The following DPP10 variants were observed in gnomAD, a reference collection of about 807,000 sequenced individuals.
DPP10 encodes dipeptidyl peptidase like 10.
Under a neutral mutation model 120.9 loss-of-function variants are expected in DPP10, and 33 were observed. The observed-to-expected ratio is 0.27, with a 90% CI of 0.21 to 0.37. The LOEUF is 0.37. DPP10 is among the 10% of genes least tolerant of loss of function. The probability of loss-of-function intolerance (pLI) is 1.00; values close to 1 mark genes in which losing one functional copy is unlikely to be tolerated. For missense variants in DPP10, 816 were observed against 942.8 expected, an observed-to-expected ratio of 0.87 and a Z score of 1.76; for synonymous variants, 337 against 326.1, an observed-to-expected ratio of 1.03 and a Z score of -0.36.
At chr2:115,095,379 T>G (rs1013024007) in intron 1 of DPP10, among the ~76,000 whole-genome samples, 2 of 152,084 alleles carry the variant, frequency 1.3e-5, no homozygotes, top group Non-Finnish European at 2.9e-5. Context: ...GCAGATGGGC[T>G]TTGGGAGGAG....
intron 13 of DPP10, among the ~76,000 whole-genome samples, chr2:115,769,310 G>C (rs1681173431): frequency 6.6e-6 from 1 of 151,958 alleles, no homozygotes; most frequent in Admixed American, 6.6e-5. Context: ...ATACCTAACT[G>C]ACCTTACTAA....
intron 7 of DPP10, among the ~76,000 whole-genome samples, chr2:115,694,923 G>A (rs1445318384): frequency 3.3e-5 from 5 of 152,094 alleles, no homozygotes; most frequent in Admixed American, 1.3e-4. Flanking sequence ...AAATAAGTAA[G>A]GATTTGTATT....
At chr2:115,337,132 C>T (rs1249551648) in intron 2 of DPP10, among the ~76,000 whole-genome samples, 1 of 137,558 alleles carries the variant, frequency 7.3e-6, no homozygotes, top group Non-Finnish European at 1.5e-5. Flanking sequence ...AGACAAGTGT[C>T]TTGAAGAAAG....
intron 1 of DPP10, among the ~76,000 whole-genome samples, chr2:114,570,018 A>G (rs960069189): frequency 1.3e-5 from 2 of 152,192 alleles, no homozygotes; most frequent in South Asian, 4.1e-4. Flanking sequence ...TAGTAAAACT[A>G]GTCTCTGTGT....
intron 21 of DPP10, among the ~76,000 whole-genome samples, chr2:115,819,948 C>T (rs1328458286): frequency 2.6e-5 from 4 of 152,286 alleles, no homozygotes; most frequent in African/African-American, 7.2e-5. Context: ...GAGCCGAGAT[C>T]GGACCATTGC....
chr2:114,875,390 T>A (rs1691073279), intron 1 of DPP10, among the ~76,000 whole-genome samples: 1 of 152,140 alleles, frequency 6.6e-6, no homozygotes, highest in South Asian at 2.1e-4. Flanking sequence ...TAATGTAAGC[T>A]GCTAGATACT....
At position 115,692,230 on chromosome 2, in the gene DPP10, TTTAG is replaced by T. The variant is rs772686816; in HGVS notation, c.576+2315_576+2318del. ...TTTTACAATTTTTTTTTTAGTTAGT[TTTAG>T]TTAGTGACTGCAATTGATGAGACAT... On this transcript the variant is annotated intron_variant, in intron 7 of 25. Coordinates refer to ENST00000410059, the MANE Select transcript of DPP10 (RefSeq NM_020868.6). Among the ~76,000 whole-genome samples the T allele has an allele frequency of 5.3e-5, 8 of 152,120 alleles. No individual in the cohort carries two copies. In the East Asian group the frequency reaches 7.7e-4, roughly 15 times the overall value.
At chr2:114,460,086 T>G (rs1171628713) in intron 1 of DPP10, among the ~76,000 whole-genome samples, 1 of 152,168 alleles carries the variant, frequency 6.6e-6, no homozygotes, top group Non-Finnish European at 1.5e-5. Flanking sequence ...TACGCTGAGA[T>G]GATAATGGGG....
At chr2:115,025,072 T>TA (rs146947697) in intron 1 of DPP10, among the ~76,000 whole-genome samples, 21,294 of 152,008 alleles carry the variant, frequency 0.14, 1,542 homozygotes, top group East Asian at 0.16. Flanking sequence ...ATGTTAACTA[T>TA]AGTCACCTTA....
At chr2:115,753,373 G>T (rs1575682242) in intron 11 of DPP10, 76 bp downstream of exon 11, 1 of 1,375,614 alleles carries the variant, frequency 7.3e-7, no homozygotes. Context: ...AACAGGAAAT[G>T]CTTTGTACAA....
chr2:115,171,151 A>G (rs918202268), intron 1 of DPP10, among the ~76,000 whole-genome samples: 1 of 152,116 alleles, frequency 6.6e-6, no homozygotes, highest in Admixed American at 6.5e-5. Flanking sequence ...ACCTGAGGTC[A>G]GGAGTTTGAG....
At chr2:114,732,187 G>A (rs1676986393) in intron 1 of DPP10, among the ~76,000 whole-genome samples, 1 of 152,102 alleles carries the variant, frequency 6.6e-6, no homozygotes, top group Non-Finnish European at 1.5e-5. Flanking sequence ...GAGCTCCTAG[G>A]TGCCAGAGCC....
intron 1 of DPP10, among the ~76,000 whole-genome samples, chr2:115,147,304 TTATTAA>T (rs1449950227): frequency 6.6e-6 from 1 of 151,966 alleles, no homozygotes; most frequent in Non-Finnish European, 1.5e-5. Context: ...CTATGAAAAC[TTATTAA>T]TTAAAATAAA....
intron 1 of DPP10, among the ~76,000 whole-genome samples, chr2:114,872,736 C>T (rs934870616): frequency 6.6e-6 from 1 of 152,142 alleles, no homozygotes; most frequent in Non-Finnish European, 1.5e-5. Flanking sequence ...CAAGCTAACC[C>T]TAGCCAAAAT....
In DPP10 at chr2:114,636,998, AT is replaced by A. The variant is rs1695351986; in HGVS notation, c.60+194163del. On this transcript the variant is annotated intron_variant, in intron 1 of 25. Coordinates refer to ENST00000410059, the MANE Select transcript of DPP10 (RefSeq NM_020868.6). The stretch of plus-strand genomic sequence containing the variant: ...TGGAGATACAAATATAGAAGGAACC[AT>A]TTGCAAACTAACATAGTACAAATTG... 2.6e-5 allele frequency among the ~76,000 whole-genome samples: 4 copies of A among 151,932 alleles called. No homozygotes were observed. The East Asian group carries it at 7.7e-4, about 29-fold the overall frequency.
chr2:114,477,782 T>A lies in DPP10; in HGVS notation c.60+34944T>A, dbSNP rs542165581. On this transcript the variant is annotated intron_variant, in intron 1 of 25. Coordinates refer to ENST00000410059, the MANE Select transcript of DPP10 (RefSeq NM_020868.6). ...GTATGGGTATATTTATACATACATATGTATATATGTATATGCACATATACA... is the reference window on the plus strand; with the variant it reads ...GTATGGGTATATTTATACATACATAAGTATATATGTATATGCACATATACA... Among the ~76,000 whole-genome samples the A allele has an allele frequency of 4.2e-3, 629 of 151,114 alleles. 8 individuals carry two copies. The highest frequency in any genetic ancestry group is 0.014 in the African/African-American group (597 of 41,210).
intron 1 of DPP10, among the ~76,000 whole-genome samples, chr2:114,903,913 A>G (rs1693782402): frequency 6.6e-6 from 1 of 152,242 alleles, no homozygotes. Context: ...AGGCATCTTG[A>G]TTTTGAATTT....
At chr2:114,744,300 C>T (rs1475691699) in intron 1 of DPP10, among the ~76,000 whole-genome samples, 1 of 152,112 alleles carries the variant, frequency 6.6e-6, no homozygotes, top group Admixed American at 6.5e-5. Flanking sequence ...TAAAAAGGCA[C>T]ACACAAAATC....
At chr2:115,491,602 G>A (rs984259549) in intron 3 of DPP10, among the ~76,000 whole-genome samples, 9 of 152,060 alleles carry the variant, frequency 5.9e-5, no homozygotes, top group South Asian at 2.1e-4. Context: ...GGGTTGTCTC[G>A]GGGCTAGCAT....
Sources: allele counts gnomAD v4.1 joint callset (sites outside exome capture counted in the v4.1 genomes callset), GRCh38; gene constraint gnomAD v4.1.1; transcripts MANE v1.5; gene names NCBI Gene and HGNC (gene_info 2026-07-23, HGNC 2026-07-21).